ETV1: variants seen among roughly 807,000 people sequenced by gnomAD.
ETV1 encodes the protein ETS translocation variant 1.
Under a neutral mutation model 62.3 loss-of-function variants are expected in ETV1, and 27 were observed. The ratio of observed to expected loss-of-function variants is 0.43; its 90% CI spans 0.32 to 0.60. ETV1 has a LOEUF of 0.60. Among genes scored for constraint, ETV1 ranks in the 20% least tolerant of loss-of-function variants. The pLI, the probability that ETV1 is intolerant of heterozygous loss-of-function variation, is 0.06. For synonymous variants in ETV1, 222 were observed against 199.6 expected (o/e 1.11, Z -0.94); for missense variants, 605 against 605.8 (o/e 1.00, Z 0.01).
chr7:13,955,379 G>A (rs927047478), intron 6 of ETV1, among the ~76,000 whole-genome samples: 1 of 152,068 alleles, frequency 6.6e-6, no homozygotes, highest in Non-Finnish European at 1.5e-5. Flanking sequence ...ATTGGGCAGG[G>A]CCACTTTTTT....
At chr7:13,945,295 A>G (rs1788021624) in intron 6 of ETV1, among the ~76,000 whole-genome samples, 1 of 152,100 alleles carries the variant, frequency 6.6e-6, no homozygotes, top group African/African-American at 2.4e-5. Context: ...GTTTTTTTTA[A>G]AAATCCAGCA....
intron 9 of ETV1, among the ~76,000 whole-genome samples, chr7:13,912,183 G>A (rs117374794): frequency 0.025 from 3,854 of 152,228 alleles, 72 homozygotes; most frequent in Middle Eastern, 0.078. Flanking sequence ...AAAACAGATA[G>A]GCTAAACTCT....
intron 5 of ETV1, among the ~76,000 whole-genome samples, chr7:13,981,246 C>G (rs951577918): frequency 6.6e-6 from 1 of 152,014 alleles, no homozygotes; most frequent in African/African-American, 2.4e-5. Flanking sequence ...TTCTTTCTGC[C>G]CGTGAATGAG....
At chr7:13,941,481 G>A (rs1583720618) in intron 6 of ETV1, among the ~76,000 whole-genome samples, 2 of 152,074 alleles carry the variant, frequency 1.3e-5, no homozygotes, top group African/African-American at 2.4e-5. Context: ...AGGGCAGGAG[G>A]GAATTAACAT....
In ETV1 at chr7:13,894,106, C is replaced by T. The variant is rs908366130; in HGVS notation, c.*1760G>A. 1 of 231,840 alleles carries T rather than the reference C, an allele frequency of 4.3e-6. No individual in the cohort carries two copies. Among genetic ancestry groups the T allele is most frequent in the Non-Finnish European group, 8.5e-6 (1 of 117,656 alleles). The allele number at this position is 231,840 out of a possible 1,614,324, so 14.4% of individuals were successfully genotyped here. ...ATCTTTAAACAATCTTTTTCATGCT[C>T]ATCACGAAATGCTTTTACAATAGGT... On this transcript the variant is annotated 3_prime_UTR_variant, in exon 14 of 14. Coordinates refer to ENST00000430479, the MANE Select transcript of ETV1 (RefSeq NM_004956.5).
intron 6 of ETV1, among the ~76,000 whole-genome samples, chr7:13,967,591 T>C (rs1433297723): frequency 6.6e-6 from 1 of 152,046 alleles, no homozygotes; most frequent in East Asian, 1.9e-4. Context: ...AACCAAAATT[T>C]TTACCTAGTA....
At chr7:13,930,353 A>T (rs1257432465) in intron 9 of ETV1, among the ~76,000 whole-genome samples, 1 of 151,462 alleles carries the variant, frequency 6.6e-6, no homozygotes, top group East Asian at 1.9e-4. Context: ...ACGGAGTCTT[A>T]CTCTGTCACC....
At chr7:13,905,260 G>A (rs1156776181) in intron 12 of ETV1, among the ~76,000 whole-genome samples, 1 of 152,076 alleles carries the variant, frequency 6.6e-6, no homozygotes, top group Admixed American at 6.6e-5. Flanking sequence ...CAAGATGATG[G>A]ACCCAGTAGT....
intron 3 of ETV1, chr7:13,988,595 G>GAAAAAAAAAAAAAAAAAAAAA (rs34468165): frequency 3.7e-6 from 3 of 811,098 alleles, no homozygotes; most frequent in East Asian, 6.5e-5. Context: ...GTAGAGAAAT[G>GAAAAAAAAAAAAAAAAAAAAA]AAAAAAAAAA....
At chr7:13,899,766 T>C (rs532308352) in intron 13 of ETV1, among the ~76,000 whole-genome samples, 3 of 152,248 alleles carry the variant, frequency 2.0e-5, no homozygotes, top group South Asian at 4.1e-4. Context: ...CATTTATTTA[T>C]TCCTTTCTTC....
chr7:13,950,915 C>CAT (rs1788736578), intron 6 of ETV1, among the ~76,000 whole-genome samples: 1 of 140,030 alleles, frequency 7.1e-6, no homozygotes, highest in Non-Finnish European at 1.6e-5. Flanking sequence ...CACACACACA[C>CAT]ACACACACAC....
At chr7:13,954,454 A>G (rs1363424658) in intron 6 of ETV1, among the ~76,000 whole-genome samples, 1 of 152,206 alleles carries the variant, frequency 6.6e-6, no homozygotes, top group Non-Finnish European at 1.5e-5. Flanking sequence ...ATACTCATGA[A>G]TCTAGGGAAA....
intron 5 of ETV1, among the ~76,000 whole-genome samples, chr7:13,981,501 TTACA>T (rs576698388): frequency 0.053 from 7,289 of 138,574 alleles, 516 homozygotes; most frequent in African/African-American, 0.17. Context: ...GTTTACAAAG[TTACA>T]TACATACATA....
chr7:13,931,549 G>A lies in ETV1; in HGVS notation c.755C>T (p.Pro252Leu), dbSNP rs1251079501. ...GGGTTCCTGTTTAATCATCAGAGGA[G>A]GGGGAAAGCTTTGGCTGGCCGCACT... ...VGSAASQSFP[P>L]PLMIKQEPRD... Residue 252 changes from proline (P) to leucine (L), a missense_variant, in exon 9 of 14, where the codon CCT becomes CTT. Physicochemically the swap from Pro to Leu is moderately conservative, Grantham distance 98. Coordinates refer to ENST00000430479, the MANE Select transcript of ETV1 (RefSeq NM_004956.5). 1.2e-6 allele frequency: 2 copies of A among 1,613,942 alleles called. No homozygotes were observed. The highest frequency in any genetic ancestry group is 2.2e-5 in the East Asian group (1 of 44,896).
intron 6 of ETV1, among the ~76,000 whole-genome samples, chr7:13,957,124 C>T (rs1022966779): frequency 1.3e-4 from 19 of 151,824 alleles, no homozygotes; most frequent in South Asian, 4.2e-4. Context: ...CTCGCTCTGT[C>T]GCCCAGGCTG....
chr7:13,926,908 A>G (rs1214698346), intron 9 of ETV1, among the ~76,000 whole-genome samples: 3 of 152,044 alleles, frequency 2.0e-5, no homozygotes, highest in African/African-American at 4.8e-5. Flanking sequence ...TGCATTTTTT[A>G]TCTTAAATAT....
At chr7:13,925,648 C>G (rs1785330880) in intron 9 of ETV1, among the ~76,000 whole-genome samples, 1 of 151,584 alleles carries the variant, frequency 6.6e-6, no homozygotes, top group Non-Finnish European at 1.5e-5. Flanking sequence ...TCACTGCAAG[C>G]TACACCTCCC....
chr7:13,924,914 C>T (rs955613180), intron 9 of ETV1, among the ~76,000 whole-genome samples: 3 of 150,466 alleles, frequency 2.0e-5, no homozygotes, highest in African/African-American at 5.0e-5. Context: ...TAAAATAGCA[C>T]GAACAACATT....
intron 5 of ETV1, among the ~76,000 whole-genome samples, chr7:13,980,794 T>G (rs1388475459): frequency 6.6e-6 from 1 of 151,052 alleles, no homozygotes; most frequent in Non-Finnish European, 1.5e-5. Context: ...TACTGTTTTC[T>G]GTCTTTTTGC....
Sources: allele counts gnomAD v4.1 joint callset (sites outside exome capture counted in the v4.1 genomes callset), GRCh38; gene constraint gnomAD v4.1.1; transcripts MANE v1.5; gene names NCBI Gene and HGNC (gene_info 2026-07-23, HGNC 2026-07-21).